Variants in PPP1R12B observed in about 807,000 individuals in gnomAD.
The protein encoded by PPP1R12B is protein phosphatase 1 regulatory subunit 12B.
A neutral mutation model predicts 126.1 loss-of-function variants in PPP1R12B; 76 were observed. That is an observed-to-expected ratio of 0.60 (90% confidence interval 0.50 to 0.73). The LOEUF (loss-of-function observed/expected upper bound fraction) is 0.73, where lower values mean the gene tolerates loss of function less well. PPP1R12B is among the 30% of genes least tolerant of loss of function. The pLI, the probability that PPP1R12B is intolerant of heterozygous loss-of-function variation, is 0.00. For synonymous variants in PPP1R12B, 356 were observed against 434.7 expected, an observed-to-expected ratio of 0.82 and a Z score of 2.25; for missense variants, 1,052 against 1,205.1, an observed-to-expected ratio of 0.87 and a Z score of 1.88.
intron 13 of PPP1R12B, among the ~76,000 whole-genome samples, chr1:202,476,598 G>A (rs1216451638): frequency 1.3e-5 from 2 of 151,500 alleles, no homozygotes; most frequent in Non-Finnish European, 2.9e-5. Flanking sequence ...GAGGAGAACT[G>A]CTTGAACCTG....
chr1:202,437,166 C>G (rs1368939900), intron 9 of PPP1R12B, among the ~76,000 whole-genome samples: 1 of 151,864 alleles, frequency 6.6e-6, no homozygotes, highest in African/African-American at 2.4e-5. Flanking sequence ...CTTGTCTCTA[C>G]TAAAATTTAG....
intron 1 of PPP1R12B, among the ~76,000 whole-genome samples, chr1:202,405,918 A>G (rs150640808): frequency 0.011 from 1,648 of 152,354 alleles, 10 homozygotes; most frequent in Middle Eastern, 0.037. Context: ...CTGGGAAAAT[A>G]ATAACCTTTT....
chr1:202,496,645 G>A, intron 17 of PPP1R12B, 136 bp from the exon 18 acceptor site: 1 of 687,384 alleles, frequency 1.5e-6, no homozygotes, highest in Non-Finnish European at 2.4e-6. Context: ...AGCAGTAACA[G>A]AGCATCACTT....
At chr1:202,500,063 A>C (rs1680030776) in intron 18 of PPP1R12B, among the ~76,000 whole-genome samples, 1 of 152,230 alleles carries the variant, frequency 6.6e-6, no homozygotes, top group South Asian at 2.1e-4. Flanking sequence ...AACAGTATGG[A>C]GGTTCCTCAA....
At chr1:202,418,335 T>C (rs1477511122) in intron 2 of PPP1R12B, among the ~76,000 whole-genome samples, 1 of 152,254 alleles carries the variant, frequency 6.6e-6, no homozygotes, top group African/African-American at 2.4e-5. Flanking sequence ...CCAAATCTCA[T>C]TACATTCAAG....
rs202123954 is a variant in PPP1R12B at position 202,580,430 on chromosome 1, A to T, written c.2863-44A>T. ...GCCTGGTCAGGGAGGGCCAAGGAGGATCCTGCCAGGCTCTAACTCACCTTT... is the reference window on the plus strand; with the variant it reads ...GCCTGGTCAGGGAGGGCCAAGGAGGTTCCTGCCAGGCTCTAACTCACCTTT... On this transcript the variant is annotated intron_variant, in intron 23 of 23. Transcript: ENST00000608999. 832 of 1,529,900 alleles carry T rather than the reference A, an allele frequency of 5.4e-4. 3 individuals are homozygous for T. The highest frequency in any genetic ancestry group is 6.9e-4 in the Non-Finnish European group (758 of 1,103,974). The allele number at this position is 1,529,900 out of a possible 1,614,324, so 94.8% of individuals were successfully genotyped here.
At chr1:202,365,126 A>G (rs1658972566) in intron 1 of PPP1R12B, among the ~76,000 whole-genome samples, 1 of 152,130 alleles carries the variant, frequency 6.6e-6, no homozygotes, top group South Asian at 2.1e-4. Context: ...ATATTTTAAC[A>G]TAGTTGAACT....
At chr1:202,558,915 T>G in intron 19 of PPP1R12B, 22 bp downstream of exon 19, 2 of 1,581,006 alleles carry the variant, frequency 1.3e-6, no homozygotes, top group Non-Finnish European at 1.7e-6. Flanking sequence ...CCCTGTTATA[T>G]ATGCATGCTT....
rs71142531 is a variant in PPP1R12B at position 202,446,256 on chromosome 1, A to ATTTTTTTT, written c.1668-2725_1668-2718dup. ...TCTCTCTATATATATATATATATAT[A>ATTTTTTTT]TTTTTTTTTTTTTTTGAGATGGAAT... On this transcript the variant is annotated intron_variant, in intron 12 of 23. Transcript: ENST00000608999. Among the ~76,000 whole-genome samples, 204 of 54,320 alleles carry ATTTTTTTT rather than the reference A, an allele frequency of 3.8e-3. 10 individuals carry two copies. The highest frequency in any genetic ancestry group is 0.024 in the East Asian group (30 of 1,258). The allele number at this position is 54,320 out of a possible 152,430, so 35.6% of individuals were successfully genotyped here.
At chr1:202,383,001 G>T (rs906589766) in intron 1 of PPP1R12B, among the ~76,000 whole-genome samples, 1 of 152,016 alleles carries the variant, frequency 6.6e-6, no homozygotes, top group Non-Finnish European at 1.5e-5. Flanking sequence ...TTTTAGACTG[G>T]TTTCATTATG....
chr1:202,389,831 G>T (rs1316203655), intron 1 of PPP1R12B, among the ~76,000 whole-genome samples: 4 of 151,616 alleles, frequency 2.6e-5, no homozygotes, highest in African/African-American at 9.7e-5. Flanking sequence ...GGAGGCTGAG[G>T]CAGGAGAATT....
intron 1 of PPP1R12B, among the ~76,000 whole-genome samples, chr1:202,415,221 T>C (rs1667915892): frequency 6.6e-6 from 1 of 152,222 alleles, no homozygotes; most frequent in African/African-American, 2.4e-5. Context: ...GAAACTGGCT[T>C]TCTTTTTTAT....
intron 18 of PPP1R12B, among the ~76,000 whole-genome samples, chr1:202,550,338 G>A (rs1400203418): frequency 6.6e-6 from 1 of 152,134 alleles, no homozygotes; most frequent in Non-Finnish European, 1.5e-5. Flanking sequence ...CTCTTCCCAG[G>A]CTTCATGGAA....
At chr1:202,446,886 C>T (rs1336156759) in intron 12 of PPP1R12B, among the ~76,000 whole-genome samples, 1 of 151,930 alleles carries the variant, frequency 6.6e-6, no homozygotes, top group African/African-American at 2.4e-5. Flanking sequence ...GTTCTTGCAT[C>T]ATGGCTGCCA....
Position 202,587,182 on chromosome 1 carries a change from G to A in PPP1R12B, c.*6622G>A, listed in dbSNP as rs1285771126. The A allele has an allele frequency of 6.6e-6, 1 of 152,058 alleles. No individual in the cohort carries two copies. The highest frequency in any genetic ancestry group is 1.5e-5 in the Non-Finnish European group (1 of 68,018). 9.4% of individuals were successfully genotyped at this position (152,058 alleles called of 1,614,324 possible). The stretch of plus-strand genomic sequence containing the variant: ...GGGTGGCCCCTTAAGGTGACATCAG[G>A]ATGCTCTTATGTCCTTCCAGAATAA... On this transcript the variant is annotated 3_prime_UTR_variant, in exon 24 of 24. Coordinates refer to ENST00000608999, the MANE Select transcript of PPP1R12B (RefSeq NM_002481.4).
chr1:202,348,731 C>T lies in PPP1R12B; in HGVS notation c.-121C>T, dbSNP rs1655364311. On this transcript the variant is annotated 5_prime_UTR_variant, in exon 1 of 24. Transcript: ENST00000608999. ...CTGGCGGGAGGAGTAAAGATGGCGGCGCGAGGGTCTCCGCCCTCTGCTCCG... is the reference window on the plus strand; with the variant it reads ...CTGGCGGGAGGAGTAAAGATGGCGGTGCGAGGGTCTCCGCCCTCTGCTCCG... The T allele has an allele frequency of 3.1e-6, 4 of 1,287,378 alleles. No individual in the cohort carries two copies. The highest frequency in any genetic ancestry group is 2.6e-5 in the East Asian group (1 of 38,228). The allele number at this position is 1,287,378 out of a possible 1,614,324, so 79.7% of individuals were successfully genotyped here. A position where few individuals can be genotyped will look rare whatever the true frequency, so the allele number is the denominator to read the frequency against.
chr1:202,528,179 A>C (rs1276518792), intron 18 of PPP1R12B, among the ~76,000 whole-genome samples: 4 of 152,350 alleles, frequency 2.6e-5, no homozygotes, highest in Non-Finnish European at 5.9e-5. Context: ...TATGGTGCTA[A>C]CTAAGCATAT....
chr1:202,549,024 G>T (rs934604259), intron 18 of PPP1R12B, among the ~76,000 whole-genome samples: 1 of 151,936 alleles, frequency 6.6e-6, no homozygotes, highest in Non-Finnish European at 1.5e-5. Flanking sequence ...TACCTGTTCT[G>T]CTCTGGGAGG....
intron 23 of PPP1R12B, among the ~76,000 whole-genome samples, chr1:202,579,656 A>G (rs1226734655): frequency 6.6e-6 from 1 of 152,226 alleles, no homozygotes; most frequent in South Asian, 2.1e-4. Context: ...GTAATGTTCC[A>G]GGATAGCAGA....
Sources: gnomAD v4.1 joint callset for allele counts (sites outside exome capture counted in the v4.1 genomes callset) on GRCh38, gnomAD v4.1.1 for gene constraint, MANE v1.5 for transcripts, NCBI Gene and HGNC (gene_info 2026-07-23, HGNC 2026-07-21) for gene names.